The following CTNND2 variants were observed in gnomAD, a reference collection of about 807,000 sequenced individuals.
CTNND2 encodes the protein catenin delta 2.
Under a neutral mutation model 144.4 loss-of-function variants are expected in CTNND2, and 22 were observed. That is an observed-to-expected ratio of 0.15 (90% CI 0.11 to 0.22). CTNND2 has a LOEUF of 0.22. CTNND2 is among the 10% of genes least tolerant of loss of function. The pLI is 1.00. For synonymous variants in CTNND2, 751 were observed against 695.6 expected, an observed-to-expected ratio of 1.08 and a Z score of -1.25; for missense variants, 1,353 against 1,618.8, an observed-to-expected ratio of 0.84 and a Z score of 2.82.
At chr5:11,249,315 G>T (rs1418716140) in intron 9 of CTNND2, among the ~76,000 whole-genome samples, 1 of 152,186 alleles carries the variant, frequency 6.6e-6, no homozygotes, top group Non-Finnish European at 1.5e-5. Context: ...CTTATTGCTC[G>T]TAATAAGAAA....
intron 3 of CTNND2, among the ~76,000 whole-genome samples, chr5:11,489,245 T>A (rs1484129216): frequency 1.3e-5 from 2 of 152,190 alleles, no homozygotes; most frequent in African/African-American, 4.8e-5. Context: ...GCCATTGTGG[T>A]AAGTATATAG....
chr5:11,200,059 G>A (rs1737268403), intron 10 of CTNND2, among the ~76,000 whole-genome samples: 1 of 152,188 alleles, frequency 6.6e-6, no homozygotes, highest in South Asian at 2.1e-4. Context: ...CTGCAGGAAT[G>A]ATACACAAAA....
intron 21 of CTNND2, among the ~76,000 whole-genome samples, chr5:10,974,872 C>A (rs1736255741): frequency 6.6e-6 from 1 of 152,204 alleles, no homozygotes; most frequent in East Asian, 1.9e-4. Flanking sequence ...ATTCTTCTCT[C>A]AAGTAAGTGA....
chr5:11,511,953 TA>T (rs1771684346), intron 3 of CTNND2, among the ~76,000 whole-genome samples: 1 of 152,226 alleles, frequency 6.6e-6, no homozygotes, highest in Non-Finnish European at 1.5e-5. Flanking sequence ...AGAACAAACC[TA>T]TTTTGCACTC....
At chr5:11,883,431 G>T (rs1736282254) in intron 1 of CTNND2, among the ~76,000 whole-genome samples, 1 of 152,136 alleles carries the variant, frequency 6.6e-6, no homozygotes, top group East Asian at 1.9e-4. Flanking sequence ...AACATGTGGT[G>T]TTTGGTTTTC....
intron 9 of CTNND2, among the ~76,000 whole-genome samples, chr5:11,285,694 C>A (rs891341185): frequency 6.6e-6 from 1 of 152,086 alleles, no homozygotes; most frequent in African/African-American, 2.4e-5. Context: ...GCCTGAGATA[C>A]CGCTCCTTCC....
At chr5:11,841,368 A>G (rs893583229) in intron 1 of CTNND2, among the ~76,000 whole-genome samples, 7 of 152,156 alleles carry the variant, frequency 4.6e-5, no homozygotes, top group Admixed American at 6.6e-5. Context: ...CCCCTACCCC[A>G]TAAGTCATTA....
intron 2 of CTNND2, among the ~76,000 whole-genome samples, chr5:11,661,879 A>C (rs1024146761): frequency 2.0e-5 from 3 of 151,940 alleles, no homozygotes; most frequent in African/African-American, 7.3e-5. Context: ...AGCGGCAGGC[A>C]AATGAGCATT....
intron 1 of CTNND2, among the ~76,000 whole-genome samples, chr5:11,872,190 G>C (rs138906230): frequency 0.014 from 2,094 of 152,158 alleles, 43 homozygotes; most frequent in Admixed American, 0.06. Context: ...GGCTTCATCC[G>C]TGTCCCTGCA....
At chr5:11,012,670 C>T (rs921763238) in intron 18 of CTNND2, among the ~76,000 whole-genome samples, 6 of 152,226 alleles carry the variant, frequency 3.9e-5, no homozygotes, top group African/African-American at 1.4e-4. Flanking sequence ...CAAGGTCATG[C>T]TGCTGGTAAG....
chr5:11,896,466 G>A (rs1458470), intron 1 of CTNND2, among the ~76,000 whole-genome samples: 2,640 of 152,178 alleles, frequency 0.017, 81 homozygotes, highest in African/African-American at 0.056. Flanking sequence ...ATTTAAAGGC[G>A]AGAAAATGTA....
At chr5:11,831,145 C>A (rs1483304664) in intron 1 of CTNND2, among the ~76,000 whole-genome samples, 3 of 148,760 alleles carry the variant, frequency 2.0e-5, no homozygotes, top group African/African-American at 7.4e-5. Flanking sequence ...AAATTCAACA[C>A]AATCCTAATA....
chr5:11,559,343 T>G (rs866006189), intron 3 of CTNND2, among the ~76,000 whole-genome samples: 1 of 152,122 alleles, frequency 6.6e-6, no homozygotes, highest in Non-Finnish European at 1.5e-5. Context: ...AAGAACCCTG[T>G]CTACCTTGAG....
Position 11,744,683 on chromosome 5 carries a change from G to T in CTNND2, c.38-12411C>A, listed in dbSNP as rs200740420. ...CTTGAAGAGGAGTGTGTGTGTGTGT[G>T]TTTGTGTGTGTGCGTGTGTGTGTGT... On this transcript the variant is annotated intron_variant, in intron 1 of 21. Transcript: ENST00000304623. 3.9e-3 allele frequency among the ~76,000 whole-genome samples: 45 copies of T among 11,634 alleles called. No homozygotes were observed. In the South Asian group the frequency reaches 0.13, roughly 34 times the overall value. 7.6% of individuals were successfully genotyped at this position (11,634 alleles called of 152,430 possible).
intron 2 of CTNND2, among the ~76,000 whole-genome samples, chr5:11,683,694 C>A (rs1232899521): frequency 2.6e-5 from 4 of 152,226 alleles, no homozygotes; most frequent in Non-Finnish European, 5.9e-5. Context: ...GGCAAATATT[C>A]TCTGGAAAGT....
chr5:11,327,256 G>A (rs1023104587), intron 9 of CTNND2, among the ~76,000 whole-genome samples: 18 of 152,158 alleles, frequency 1.2e-4, no homozygotes, highest in African/African-American at 2.2e-4. Flanking sequence ...GCAAGTATAA[G>A]TGATTCTGGG....
intron 3 of CTNND2, among the ~76,000 whole-genome samples, chr5:11,524,301 A>C (rs1160054362): frequency 6.6e-6 from 1 of 152,232 alleles, no homozygotes; most frequent in Middle Eastern, 3.2e-3. Context: ...TCCCTGACTT[A>C]TGACGCCCTG....
chr5:11,394,893 C>T (rs1044480816), intron 6 of CTNND2, among the ~76,000 whole-genome samples: 2 of 152,122 alleles, frequency 1.3e-5, no homozygotes, highest in African/African-American at 2.4e-5. Context: ...TTTAGAACTA[C>T]ATAGTTTTTT....
rs192717462 is a variant in CTNND2, at chr5:11,634,912, C to A, written c.175-69856G>T. 4.6e-3 allele frequency among the ~76,000 whole-genome samples: 694 copies of A among 151,532 alleles called. 3 individuals are homozygous for A. The highest frequency in any genetic ancestry group is 7.3e-3 in the Admixed American group (110 of 15,118). ...GAAAATAGTCCATTATTTTTGGCAACCTGGAGATTAGGAACCTTTAGAGCA... is the reference window on the plus strand; with the variant it reads ...GAAAATAGTCCATTATTTTTGGCAAACTGGAGATTAGGAACCTTTAGAGCA... On this transcript the variant is annotated intron_variant, in intron 2 of 21. Coordinates refer to ENST00000304623, the MANE Select transcript of CTNND2 (RefSeq NM_001332.4).
Sources: gnomAD v4.1 joint callset for allele counts (sites outside exome capture counted in the v4.1 genomes callset) on GRCh38, gnomAD v4.1.1 for gene constraint, MANE v1.5 for transcripts, NCBI Gene and HGNC (gene_info 2026-07-23, HGNC 2026-07-21) for gene names.